Variants in USP32 observed in about 807,000 individuals in gnomAD.
The protein encoded by USP32 is ubiquitin specific peptidase 32.
Under a neutral mutation model 204.8 loss-of-function variants are expected in USP32, and 59 were observed. That is an observed-to-expected ratio of 0.29 (90% CI 0.23 to 0.36). The LOEUF is 0.36. Among genes scored for constraint, USP32 ranks in the 10% least tolerant of loss-of-function variants. The pLI is 1.00. For missense variants in USP32, 1,160 were observed against 1,946.4 expected, an observed-to-expected ratio of 0.60 and a Z score of 7.60; for synonymous variants, 517 against 678.4, an observed-to-expected ratio of 0.76 and a Z score of 3.70.
intron 2 of USP32, among the ~76,000 whole-genome samples, chr17:60,325,118 A>G (rs1254914920): frequency 6.6e-6 from 1 of 152,192 alleles, no homozygotes; most frequent in Admixed American, 6.5e-5. Flanking sequence ...AAAATATTGA[A>G]TAAGAAAGAA....
chr17:60,402,999 G>A (rs2089947824), intron 1 of USP32, among the ~76,000 whole-genome samples: 1 of 151,788 alleles, frequency 6.6e-6, no homozygotes, highest in Admixed American at 6.6e-5. Context: ...CTGGTGTAGT[G>A]GGCGGGTAAG....
intron 5 of USP32, among the ~76,000 whole-genome samples, chr17:60,276,946 C>CATATATATATATATATATATATATATAT (rs35211470): frequency 1.6e-4 from 22 of 140,744 alleles, no homozygotes; most frequent in African/African-American, 5.8e-4. Context: ...ATTACATATA[C>CATATATATATATATATATATATATATAT]ATATATATAT....
intron 1 of USP32, among the ~76,000 whole-genome samples, chr17:60,347,500 C>A (rs1053405173): frequency 1.3e-5 from 2 of 151,564 alleles, no homozygotes; most frequent in African/African-American, 4.8e-5. Flanking sequence ...ACTACAGGCG[C>A]CCGCCACCAC....
At chr17:60,333,705 G>A (rs1411422964) in intron 2 of USP32, among the ~76,000 whole-genome samples, 1 of 151,440 alleles carries the variant, frequency 6.6e-6, no homozygotes, top group East Asian at 1.9e-4. Flanking sequence ...GGAGAGGAGA[G>A]GGGAGGGGGA....
At chr17:60,260,755 G>A (rs150162791) in intron 9 of USP32, among the ~76,000 whole-genome samples, 8 of 151,776 alleles carry the variant, frequency 5.3e-5, no homozygotes, top group South Asian at 4.2e-4. Flanking sequence ...TTGCATAATC[G>A]CTTATACAGT....
chr17:60,291,590 A>C (rs1290352092), intron 4 of USP32, among the ~76,000 whole-genome samples: 1 of 151,992 alleles, frequency 6.6e-6, no homozygotes, highest in Non-Finnish European at 1.5e-5. Flanking sequence ...CAAAAACAAC[A>C]CAAAGCATTG....
intron 2 of USP32, among the ~76,000 whole-genome samples, chr17:60,344,624 G>C (rs773600906): frequency 6.6e-6 from 1 of 151,368 alleles, no homozygotes; most frequent in Non-Finnish European, 1.5e-5. Flanking sequence ...TAATTTTTTT[G>C]GTTGCTGTTT....
At chr17:60,247,606 A>G (rs1437194600) in intron 11 of USP32, among the ~76,000 whole-genome samples, 1 of 151,948 alleles carries the variant, frequency 6.6e-6, no homozygotes, top group African/African-American at 2.4e-5. Context: ...TCTCTAATGT[A>G]TGCTCTTGGC....
chr17:60,237,112 CTCTA>C (rs35524070), intron 11 of USP32, among the ~76,000 whole-genome samples: 84,816 of 137,848 alleles, frequency 0.62, 26,296 homozygotes, highest in Non-Finnish European at 0.64. Context: ...AAAAAATCTA[CTCTA>C]TCTATCTATC....
chr17:60,365,590 G>A (rs1024923632), intron 1 of USP32, among the ~76,000 whole-genome samples: 3 of 152,030 alleles, frequency 2.0e-5, no homozygotes, highest in African/African-American at 7.3e-5. Flanking sequence ...TTCCCTGTAA[G>A]CATTCACTCA....
At chr17:60,245,188 T>TTTA (rs1312617806) in intron 11 of USP32, 1 of 197,280 alleles carries the variant, frequency 5.1e-6, no homozygotes, top group Non-Finnish European at 1.0e-5. Flanking sequence ...TATACTGTCT[T>TTTA]TTATTATTAC....
chr17:60,209,909 A>G (rs1287852643), intron 21 of USP32, among the ~76,000 whole-genome samples: 1 of 152,108 alleles, frequency 6.6e-6, no homozygotes, highest in African/African-American at 2.4e-5. Context: ...ATATGCATAT[A>G]AAATATGTAT....
At chr17:60,292,795 C>G (rs2087316194) in intron 4 of USP32, among the ~76,000 whole-genome samples, 1 of 149,876 alleles carries the variant, frequency 6.7e-6, no homozygotes, top group African/African-American at 2.5e-5. Flanking sequence ...AAAAAAAAAG[C>G]CTCATATTTT....
intron 12 of USP32, among the ~76,000 whole-genome samples, chr17:60,235,901 C>A (rs1288518641): frequency 6.6e-6 from 1 of 152,100 alleles, no homozygotes; most frequent in African/African-American, 2.4e-5. Context: ...TACCCCCGTA[C>A]CCAATATTAT....
chr17:60,223,672 T>C (rs1389870982), intron 13 of USP32, 86 bp from the exon 14 acceptor site: 2 of 1,155,668 alleles, frequency 1.7e-6, no homozygotes, highest in Non-Finnish European at 1.2e-6. Flanking sequence ...TGCCCATGTA[T>C]TGTATTACTC....
At chr17:60,199,102 T>C (rs113334845) in intron 26 of USP32, among the ~76,000 whole-genome samples, 147 of 144,284 alleles carry the variant, frequency 1.0e-3, no homozygotes, top group African/African-American at 3.4e-3. Flanking sequence ...GAAGGTAGAG[T>C]GAGACCTGTC....
chr17:60,377,035 G>A (rs1277142392), intron 1 of USP32, among the ~76,000 whole-genome samples: 5 of 152,106 alleles, frequency 3.3e-5, no homozygotes, highest in Admixed American at 6.6e-5. Flanking sequence ...TACATTTGAG[G>A]GGTTATATAC....
At position 60,391,965 on chromosome 17, in the gene USP32, G is replaced by C; in HGVS notation, c.-26C>G. 1.2e-6 allele frequency: 2 copies of C among 1,606,066 alleles called. No individual in the cohort carries two copies. The highest frequency in any genetic ancestry group is 1.1e-5 in the South Asian group (1 of 89,922). ...GCTCCCCTCATCCCCTCGGCGGGGG[G>C]TCGGAGCCTGATCTCGCCCCCACCC... On this transcript the variant is annotated 5_prime_UTR_variant, in exon 1 of 34. Coordinates refer to ENST00000300896, the MANE Select transcript of USP32 (RefSeq NM_032582.4).
intron 1 of USP32, among the ~76,000 whole-genome samples, chr17:60,373,886 A>G (rs576714190): frequency 1.3e-5 from 2 of 152,242 alleles, no homozygotes; most frequent in Admixed American, 1.3e-4. Flanking sequence ...AGTTTTTACT[A>G]TTCATGTTTT....
Sources: allele counts gnomAD v4.1 joint callset (sites outside exome capture counted in the v4.1 genomes callset), GRCh38; gene constraint gnomAD v4.1.1; transcripts MANE v1.5; gene names NCBI Gene and HGNC (gene_info 2026-07-23, HGNC 2026-07-21).